Variants in CTNNA3 observed in about 807,000 individuals in gnomAD.
CTNNA3 encodes the protein catenin alpha-3.
In CTNNA3, 76 loss-of-function variants were observed where a neutral mutation model predicts 95.7. That is an observed-to-expected ratio of 0.79 (90% CI 0.66 to 0.96). The LOEUF (loss-of-function observed/expected upper bound fraction) is 0.96. Among genes scored for constraint, CTNNA3 ranks in the 40% least tolerant of loss-of-function variants. The pLI is 0.00. For missense variants in CTNNA3, 1,191 were observed against 1,089.8 expected, an observed-to-expected ratio of 1.09 and a Z score of -1.31; for synonymous variants, 431 against 374.4, an observed-to-expected ratio of 1.15 and a Z score of -1.74.
intron 11 of CTNNA3, among the ~76,000 whole-genome samples, chr10:66,495,575 C>T (rs925290360): frequency 1.3e-5 from 2 of 152,060 alleles, no homozygotes; most frequent in African/African-American, 2.4e-5. Context: ...AAAGTATCTA[C>T]GTAATTGGGA....
chr10:66,022,291 T>C (rs2079235101), intron 15 of CTNNA3, among the ~76,000 whole-genome samples: 1 of 152,090 alleles, frequency 6.6e-6, no homozygotes, highest in East Asian at 1.9e-4. Context: ...AATAGCAAAA[T>C]CTCCAGTAGC....
intron 1 of CTNNA3, among the ~76,000 whole-genome samples, chr10:67,726,450 TTATATATGATATATGATATA>T: frequency 1.3e-5 from 1 of 78,736 alleles, no homozygotes; most frequent in South Asian, 4.2e-4. Flanking sequence ...ATATATAATA[TTATATATGATATATGATATA>T]ATATTATATA....
chr10:66,582,835 T>C (rs562062160), intron 10 of CTNNA3, among the ~76,000 whole-genome samples: 2 of 151,836 alleles, frequency 1.3e-5, no homozygotes, highest in African/African-American at 2.4e-5. Context: ...TTGTTGAGGG[T>C]TTTTATCATA....
At chr10:67,398,005 C>A (rs1360144278) in intron 5 of CTNNA3, among the ~76,000 whole-genome samples, 1 of 152,192 alleles carries the variant, frequency 6.6e-6, no homozygotes, top group Non-Finnish European at 1.5e-5. Context: ...GAGGCAGAGC[C>A]CTCATGGAGA....
intron 10 of CTNNA3, among the ~76,000 whole-genome samples, chr10:66,540,963 C>A (rs1264640934): frequency 6.6e-6 from 1 of 152,020 alleles, no homozygotes; most frequent in African/African-American, 2.4e-5. Flanking sequence ...TTTTCCATAT[C>A]CACTATAAAA....
At chr10:66,449,752 T>A (rs2093450102) in intron 11 of CTNNA3, among the ~76,000 whole-genome samples, 1 of 152,024 alleles carries the variant, frequency 6.6e-6, no homozygotes, top group African/African-American at 2.4e-5. Context: ...CGGCAATATA[T>A]CTTTTAAAAT....
chr10:66,422,613 C>T (rs2093205022), intron 11 of CTNNA3, among the ~76,000 whole-genome samples: 2 of 151,910 alleles, frequency 1.3e-5, no homozygotes, highest in Non-Finnish European at 2.9e-5. Context: ...ACCCCCTCTT[C>T]TGGCATGCAA....
At chr10:67,376,055 A>G (rs979259270) in intron 5 of CTNNA3, among the ~76,000 whole-genome samples, 2 of 152,158 alleles carry the variant, frequency 1.3e-5, no homozygotes, top group African/African-American at 4.8e-5. Flanking sequence ...ACCAGCTGCC[A>G]AATATACCAG....
chr10:66,145,370 G>A (rs1158877098), intron 13 of CTNNA3, among the ~76,000 whole-genome samples: 1 of 152,186 alleles, frequency 6.6e-6, no homozygotes, highest in Admixed American at 6.5e-5. Context: ...AGATATGGAA[G>A]TAGCAGAGAG....
intron 11 of CTNNA3, among the ~76,000 whole-genome samples, chr10:66,475,649 T>G (rs547833076): frequency 7.9e-5 from 12 of 152,038 alleles, no homozygotes; most frequent in Non-Finnish European, 1.6e-4. Context: ...AATGCAAATC[T>G]AAACTACAAT....
intron 8 of CTNNA3, among the ~76,000 whole-genome samples, chr10:66,773,592 C>T (rs535727086): frequency 1.3e-5 from 2 of 152,276 alleles, no homozygotes; most frequent in South Asian, 2.1e-4. Context: ...CAAGTGAAAA[C>T]GGTACAGAAA....
At chr10:66,286,174 A>G (rs1483793181) in intron 12 of CTNNA3, among the ~76,000 whole-genome samples, 2 of 152,058 alleles carry the variant, frequency 1.3e-5, no homozygotes, top group Admixed American at 1.3e-4. Context: ...GTAAACATCA[A>G]CAATATCCTA....
At chr10:66,442,624 C>T (rs1201494858) in intron 11 of CTNNA3, among the ~76,000 whole-genome samples, 5 of 152,130 alleles carry the variant, frequency 3.3e-5, no homozygotes, top group African/African-American at 1.2e-4. Context: ...GCTTTATTCC[C>T]CTACTTCCTC....
At chr10:67,599,980 T>C (rs1564773086) in intron 3 of CTNNA3, among the ~76,000 whole-genome samples, 1 of 152,182 alleles carries the variant, frequency 6.6e-6, no homozygotes. Flanking sequence ...ATTGTGGCAT[T>C]GGTGTAAGAA....
chr10:66,625,110 C>A (rs1844887591), intron 9 of CTNNA3, among the ~76,000 whole-genome samples: 1 of 152,062 alleles, frequency 6.6e-6, no homozygotes, highest in Non-Finnish European at 1.5e-5. Context: ...AATTTAAAAA[C>A]AAACAAGAAG....
chr10:67,448,628 TAATTTGAGC>T, intron 5 of CTNNA3, among the ~76,000 whole-genome samples: 1 of 151,608 alleles, frequency 6.6e-6, no homozygotes, highest in Non-Finnish European at 1.5e-5. Flanking sequence ...AAAGAAAAAA[TAATTTGAGC>T]ACCTGTTGTA....
intron 5 of CTNNA3, among the ~76,000 whole-genome samples, chr10:67,306,763 G>C (rs1229167591): frequency 6.6e-6 from 1 of 151,930 alleles, no homozygotes; most frequent in East Asian, 1.9e-4. Flanking sequence ...AGCCTCTCTA[G>C]AGCCCTCTGC....
At chr10:67,368,422 T>C (rs543601754) in intron 5 of CTNNA3, among the ~76,000 whole-genome samples, 1 of 152,298 alleles carries the variant, frequency 6.6e-6, no homozygotes, top group African/African-American at 2.4e-5. Flanking sequence ...GAATGTAAAA[T>C]GGCACAACTC....
chr10:66,984,166 T>A (rs1850600282), intron 7 of CTNNA3, among the ~76,000 whole-genome samples: 2 of 152,160 alleles, frequency 1.3e-5, no homozygotes. Context: ...AAAAACACTT[T>A]TTAAGTCAAG....
Sources: allele counts gnomAD v4.1 joint callset (sites outside exome capture counted in the v4.1 genomes callset), GRCh38; gene constraint gnomAD v4.1.1; transcripts MANE v1.5; gene names NCBI Gene and HGNC (gene_info 2026-07-23, HGNC 2026-07-21).